Variants in ARK2C observed in about 807,000 individuals in gnomAD.
The protein encoded by ARK2C is E3 ubiquitin-protein ligase ARK2C.
chr18:46,368,785 A>T, the ARK2C span, among the ~76,000 whole-genome samples: 3 of 152,228 alleles, frequency 2.0e-5, no homozygotes, highest in African/African-American at 7.2e-5. Flanking sequence ...TTGCTGTGGG[A>T]CCTTGGGGAA....
chr18:46,407,414 T>A, the ARK2C span, among the ~76,000 whole-genome samples: 3 of 152,232 alleles, frequency 2.0e-5, no homozygotes, highest in African/African-American at 7.2e-5. Flanking sequence ...TTGTGACATA[T>A]TGTCGTCATC....
the ARK2C span, among the ~76,000 whole-genome samples, chr18:46,372,915 T>G: frequency 6.6e-6 from 1 of 152,180 alleles, no homozygotes; most frequent in Non-Finnish European, 1.5e-5. Flanking sequence ...GGCCTCCACT[T>G]CTCCCTTCTT....
At chr18:46,375,915 T>C in the ARK2C span, among the ~76,000 whole-genome samples, 3 of 152,204 alleles carry the variant, frequency 2.0e-5, no homozygotes, top group African/African-American at 7.2e-5. Context: ...GTCCCTGCCT[T>C]TGATGAGACT....
chr18:46,423,526 G>C, the ARK2C span, among the ~76,000 whole-genome samples: 1 of 152,212 alleles, frequency 6.6e-6, no homozygotes, highest in African/African-American at 2.4e-5. Flanking sequence ...TTTCCATTCG[G>C]CAAGCCACCA....
chr18:46,407,715 C>T, the ARK2C span, among the ~76,000 whole-genome samples: 7 of 152,218 alleles, frequency 4.6e-5, no homozygotes, highest in Admixed American at 2.0e-4. Flanking sequence ...CAGGGCAGTA[C>T]ATGCTGGGAG....
chr18:46,385,373 T>C, the ARK2C span, among the ~76,000 whole-genome samples: 1 of 152,170 alleles, frequency 6.6e-6, no homozygotes, highest in Non-Finnish European at 1.5e-5. Flanking sequence ...GACTTGCATG[T>C]GCCTGTGCAT....
At chr18:46,440,036 G>T in the ARK2C span, among the ~76,000 whole-genome samples, 32 of 152,110 alleles carry the variant, frequency 2.1e-4, no homozygotes, top group Non-Finnish European at 4.0e-4. Context: ...CACCATGTTG[G>T]CCAGGATGGT....
the ARK2C span, chr18:46,334,693 TGTGTGTGTGTGTGTGTGTGTGTGA>T: frequency 3.2e-5 from 10 of 308,822 alleles, no homozygotes; most frequent in East Asian, 4.6e-5. This position sits in a 1 kb window ranked among gnomAD's most constrained non-coding sequence, Gnocchi z 4.4. Flanking sequence ...TGTGTGTGTG[TGTGTGTGTGTGTGTGTGTGTGTGA>T]GAGAGAGAGA....
chr18:46,430,623 G>C, the ARK2C span, among the ~76,000 whole-genome samples: 3 of 152,086 alleles, frequency 2.0e-5, no homozygotes, highest in Admixed American at 6.5e-5. Flanking sequence ...TTCAACGTTT[G>C]CATCTTTTTT....
the ARK2C span, among the ~76,000 whole-genome samples, chr18:46,451,039 G>C: frequency 6.6e-6 from 1 of 152,238 alleles, no homozygotes. Context: ...GGGTATCCGT[G>C]TGTGCATGTG....
the ARK2C span, among the ~76,000 whole-genome samples, chr18:46,352,626 C>T: frequency 1.3e-5 from 2 of 152,120 alleles, no homozygotes; most frequent in Admixed American, 1.3e-4. Context: ...CAGGATGGTT[C>T]ACACCTTTAT....
At chr18:46,358,285 G>C in the ARK2C span, among the ~76,000 whole-genome samples, 1 of 152,130 alleles carries the variant, frequency 6.6e-6, no homozygotes, top group African/African-American at 2.4e-5. Context: ...CCAGGAAGGG[G>C]AGGCCTCCCT....
the ARK2C span, among the ~76,000 whole-genome samples, chr18:46,434,870 A>T: frequency 6.6e-6 from 1 of 152,062 alleles, no homozygotes; most frequent in African/African-American, 2.4e-5. Flanking sequence ...AGAGTGTTGA[A>T]AAAGGGTTGA....
chr18:46,454,084 G>C, the ARK2C span, among the ~76,000 whole-genome samples: 1 of 122,012 alleles, frequency 8.2e-6, no homozygotes, highest in Admixed American at 1.1e-4. Flanking sequence ...CTGCACTCCA[G>C]CCTGGGCAAG....
chr18:46,417,604 C>T, the ARK2C span, among the ~76,000 whole-genome samples: 1 of 152,250 alleles, frequency 6.6e-6, no homozygotes, highest in Non-Finnish European at 1.5e-5. Flanking sequence ...CCCCCCCAAC[C>T]TTTTCTTCTT....
the ARK2C span, among the ~76,000 whole-genome samples, chr18:46,340,156 G>A: frequency 3.3e-5 from 5 of 152,196 alleles, no homozygotes; most frequent in East Asian, 7.7e-4. Flanking sequence ...AAAAATTCCC[G>A]GCTTAACATT....
At chr18:46,379,240 T>C in the ARK2C span, among the ~76,000 whole-genome samples, 27 of 152,230 alleles carry the variant, frequency 1.8e-4, no homozygotes, top group Admixed American at 1.3e-4. Flanking sequence ...TAATCTCTTT[T>C]GGGGTGCATC....
At chr18:46,402,442 G>T in the ARK2C span, among the ~76,000 whole-genome samples, 260 of 152,274 alleles carry the variant, frequency 1.7e-3, no homozygotes, top group Non-Finnish European at 3.0e-3. Flanking sequence ...TCTCAATATT[G>T]CATGGAACAT....
chr18:46,358,847 G>T, the ARK2C span, among the ~76,000 whole-genome samples: 4 of 152,230 alleles, frequency 2.6e-5, no homozygotes, highest in Admixed American at 1.3e-4. Flanking sequence ...AGGAGGGCCT[G>T]CTCAGAGCAG....
Sources: gnomAD v4.1 joint callset for allele counts (sites outside exome capture counted in the v4.1 genomes callset) on GRCh38, gnomAD v4.1.1 for gene constraint, Gnocchi (gnomAD v3.1) non-coding constraint, MANE v1.5 for transcripts, NCBI Gene and HGNC (gene_info 2026-07-23, HGNC 2026-07-21) for gene names.